The following LARP7 variants were observed in gnomAD, a reference collection of about 807,000 sequenced individuals.
LARP7 encodes the protein la-related protein 7.
Under a neutral mutation model 69.3 loss-of-function variants are expected in LARP7, and 52 were observed. The ratio of observed to expected loss-of-function variants is 0.75; its 90% CI spans 0.60 to 0.95. LARP7 has a LOEUF of 0.95. Among genes scored for constraint, LARP7 ranks in the 40% least tolerant of loss-of-function variants. The probability of loss-of-function intolerance (pLI) is 0.00; values close to 1 mark genes in which losing one functional copy is unlikely to be tolerated. For missense variants in LARP7, 733 were observed against 673.0 expected (o/e 1.09, Z -0.99); for synonymous variants, 254 against 215.9 (o/e 1.18, Z -1.55).
intron 7 of LARP7, 42 bp downstream of exon 7, chr4:112,647,591 T>A: frequency 2.1e-6 from 3 of 1,456,588 alleles, no homozygotes; most frequent in Non-Finnish European, 2.8e-6. Context: ...TAATTAATTT[T>A]AATTAATTAG....
chr4:112,645,147 G>A (rs1256862263), intron 2 of LARP7, among the ~76,000 whole-genome samples: 19 of 151,854 alleles, frequency 1.3e-4, no homozygotes, highest in African/African-American at 4.6e-4. Flanking sequence ...GGATTTTACT[G>A]TGTTGGCCAG....
intron 12 of LARP7, among the ~76,000 whole-genome samples, chr4:112,656,321 C>G (rs2048953249): frequency 6.6e-6 from 1 of 152,108 alleles, no homozygotes; most frequent in Non-Finnish European, 1.5e-5. Flanking sequence ...TTGCCTGAAC[C>G]TAGGAAGTGG....
At chr4:112,654,811 A>G (rs574429570) in intron 12 of LARP7, 2 of 152,322 alleles carry the variant, frequency 1.3e-5, no homozygotes, top group African/African-American at 4.8e-5. Context: ...AAAGGTTAGT[A>G]CATTTTAAAA....
At chr4:112,648,390 T>G (rs1192979158) in intron 8 of LARP7, 1 of 534,384 alleles carries the variant, frequency 1.9e-6, no homozygotes, top group African/African-American at 1.9e-5. Context: ...AAGCACTTAC[T>G]TTTGTTTCAC....
At chr4:112,639,819 A>G (rs1176049924) in intron 1 of LARP7, among the ~76,000 whole-genome samples, 1 of 152,182 alleles carries the variant, frequency 6.6e-6, no homozygotes, top group Non-Finnish European at 1.5e-5. Flanking sequence ...AAGAGATTGG[A>G]TAGAATAATT....
At position 112,641,487 on chromosome 4, in the gene LARP7, T is replaced by C. The variant is rs112644771; in HGVS notation, c.-2-3181T>C. ...TGGTAATTCTATCTGGAGAATCGAT[T>C]ATAAGGGAAGAAGATTAGAAGCAGG... On this transcript the variant is annotated intron_variant, in intron 1 of 12. Transcript: ENST00000344442. Among the ~76,000 whole-genome samples, 65 of 151,636 alleles carry C rather than the reference T, an allele frequency of 4.3e-4. 1 individual carries two copies. The Middle Eastern group carries it at 0.01, about 24-fold the overall frequency.
chr4:112,651,490 G>A (rs947655129), intron 10 of LARP7, among the ~76,000 whole-genome samples: 2 of 152,122 alleles, frequency 1.3e-5, no homozygotes, highest in Non-Finnish European at 2.9e-5. Flanking sequence ...TGTAAATACT[G>A]CTCTGATTAA....
chr4:112,646,334 T>G lies in LARP7; in HGVS notation c.203-17T>G, dbSNP rs774367828. ...CCTGCTGATACACTAACATATTAACTTTTTCATTTTCTTTAGATGTTGATA... is the reference window on the plus strand; with the variant it reads ...CCTGCTGATACACTAACATATTAACGTTTTCATTTTCTTTAGATGTTGATA... On this transcript the variant is annotated splice_polypyrimidine_tract_variant and intron_variant, in intron 2 of 12. Coordinates refer to ENST00000344442, the MANE Select transcript of LARP7 (RefSeq NM_016648.4). 6.4e-6 allele frequency: 8 copies of G among 1,259,420 alleles called. No homozygotes were observed. Among genetic ancestry groups the G allele is most frequent in the Non-Finnish European group, 9.2e-6 (8 of 870,702 alleles). The allele number at this position is 1,259,420 out of a possible 1,614,324, so 78.0% of individuals were successfully genotyped here. A position where few individuals can be genotyped will look rare whatever the true frequency, so the allele number is the denominator to read the frequency against.
chr4:112,644,697 A>C lies in LARP7; in HGVS notation c.28A>C (p.Lys10Gln). 6.2e-7 allele frequency: 1 copy of C among 1,608,208 alleles called. No individual in the cohort carries two copies. The change falls in exon 2 of 13, where the codon AAG (lysine) becomes CAG (glutamine). Residue 10 changes from lysine (K) to glutamine (Q), a missense_variant. By Grantham distance (53) the Lys-to-Gln change is moderately conservative. Coordinates refer to ENST00000344442, the MANE Select transcript of LARP7 (RefSeq NM_016648.4). METESGNQEKVMEEESTEKK... is the reference protein window; with the variant it reads METESGNQEQVMEEESTEKK... ...GGAAACTGAAAGTGGAAATCAGGAA[A>C]AGGTAATGGAAGAAGAAAGCACTGA...
At chr4:112,644,244 G>GA (rs577425889) in intron 1 of LARP7, 3,379 of 82,566 alleles carry the variant, frequency 0.041, no homozygotes, top group Middle Eastern at 0.08. Flanking sequence ...CTGTCTCCAA[G>GA]AAAAAAAAAA....
At chr4:112,654,431 G>T in intron 12 of LARP7, 1 of 275,158 alleles carries the variant, frequency 3.6e-6, no homozygotes, top group Non-Finnish European at 6.9e-6. Context: ...TTGATATCTG[G>T]CTGCTATGTC....
At chr4:112,640,024 T>C (rs1178357803) in intron 1 of LARP7, among the ~76,000 whole-genome samples, 1 of 152,086 alleles carries the variant, frequency 6.6e-6, no homozygotes, top group African/African-American at 2.4e-5. Context: ...CTGCAACCTC[T>C]GCCTCCTGGG....
At chr4:112,648,901 A>G (rs1482318126) in intron 8 of LARP7, among the ~76,000 whole-genome samples, 2 of 146,720 alleles carry the variant, frequency 1.4e-5, no homozygotes, top group Non-Finnish European at 3.0e-5. Context: ...AGCTAAAACC[A>G]TTACCACAAG....
intron 12 of LARP7, among the ~76,000 whole-genome samples, chr4:112,655,123 G>GA (rs2048904661): frequency 6.6e-6 from 1 of 152,098 alleles, no homozygotes; most frequent in Non-Finnish European, 1.5e-5. Flanking sequence ...AAAGGAGACT[G>GA]AACTTGCTGT....
intron 10 of LARP7, among the ~76,000 whole-genome samples, chr4:112,652,174 G>A (rs1457126276): frequency 6.6e-6 from 1 of 151,290 alleles, no homozygotes; most frequent in African/African-American, 2.4e-5. Flanking sequence ...ATACTTCCAG[G>A]TATTGCTCAG....
At chr4:112,655,384 T>G (rs901362026) in intron 12 of LARP7, 3 of 152,222 alleles carry the variant, frequency 2.0e-5, no homozygotes, top group Non-Finnish European at 2.9e-5. Flanking sequence ...GACTAGGAAG[T>G]TCTTAAATTG....
chr4:112,644,355 A>G (rs2048080744), intron 1 of LARP7: 2 of 454,790 alleles, frequency 4.4e-6, no homozygotes, highest in Admixed American at 9.3e-5. Context: ...CCTTAATCTT[A>G]CACTTTTCAC....
rs750414935 is a variant in LARP7, at chr4:112,644,842, G to A, written c.173G>A (p.Arg58Gln). 6.9e-6 allele frequency: 11 copies of A among 1,590,934 alleles called. No homozygotes were observed. Among genetic ancestry groups the A allele is most frequent in the East Asian group, 2.3e-5 (1 of 43,938 alleles). Residue 58 changes from arginine (R) to glutamine (Q), a missense_variant, in exon 2 of 13, where the codon CGA becomes CAA. Physicochemically the swap from Arg to Gln is conservative, Grantham distance 43 (BLOSUM62 1). Coordinates refer to ENST00000344442, the MANE Select transcript of LARP7 (RefSeq NM_016648.4). ...AATCTTCACAAGGATAGATTTCTTCGAGAACAGATAGAAAAATCTAGAGAT... is the reference window on the plus strand; with the variant it reads ...AATCTTCACAAGGATAGATTTCTTCAAGAACAGATAGAAAAATCTAGAGAT... ...DANLHKDRFL[R>Q]EQIEKSRDGY...
At chr4:112,648,297 GCTTAGTAAC>G in intron 8 of LARP7, 1 of 527,630 alleles carries the variant, frequency 1.9e-6, no homozygotes, top group Non-Finnish European at 3.9e-6. Context: ...CCTGTAACAA[GCTTAGTAAC>G]CTTAAAACAC....
Sources: gnomAD v4.1 joint callset for allele counts (sites outside exome capture counted in the v4.1 genomes callset) on GRCh38, gnomAD v4.1.1 for gene constraint, MANE v1.5 for transcripts, NCBI Gene and HGNC (gene_info 2026-07-23, HGNC 2026-07-21) for gene names.